RBFOX1: variants seen among roughly 807,000 people sequenced by gnomAD.
RBFOX1 encodes RNA binding fox-1 homolog 1, also known as RNA binding protein fox-1 homolog 1.
In RBFOX1, 8 loss-of-function variants were observed where a neutral mutation model predicts 57.7. The ratio of observed to expected loss-of-function variants is 0.14; its 90% CI spans 0.08 to 0.25. The LOEUF is 0.25. Ranked by LOEUF, RBFOX1 falls within the 10% of genes least tolerant of loss-of-function variation. RBFOX1 has a pLI of 1.00. For synonymous variants in RBFOX1, 326 were observed against 222.4 expected (o/e 1.47, Z -4.15); for missense variants, 611 against 548.5 (o/e 1.11, Z -1.14).
In RBFOX1 at chr16:6,356,391, T is replaced by C. The variant is rs1057023028; in HGVS notation, c.-64+39334T>C. Among the ~76,000 whole-genome samples the C allele has an allele frequency of 3.9e-5, 6 of 152,176 alleles. No homozygotes were observed. In the East Asian group the frequency reaches 1.2e-3, roughly 29 times the overall value. On this transcript the variant is annotated intron_variant, in intron 2 of 15. Coordinates refer to ENST00000550418, the MANE Select transcript of RBFOX1 (RefSeq NM_018723.4). ...AGATTGAGGCTGCCGTGAGCTATGA[T>C]TGTACCACAGCCCTCCAGCCTGGGC...
At chr16:7,124,206 G>C (rs2067860536) in intron 4 of RBFOX1, among the ~76,000 whole-genome samples, 1 of 152,242 alleles carries the variant, frequency 6.6e-6, no homozygotes, top group Admixed American at 6.5e-5. Context: ...GGCCAAGGCA[G>C]GAGGACTGCT....
At chr16:6,204,309 T>A (rs938287851) in intron 1 of RBFOX1, among the ~76,000 whole-genome samples, 1 of 152,140 alleles carries the variant, frequency 6.6e-6, no homozygotes. Flanking sequence ...CATGAGTCAA[T>A]GTTGCGACAA....
Position 7,365,993 on chromosome 16 carries a change from G to A in RBFOX1, c.28-152154G>A, listed in dbSNP as rs555282725. Among the ~76,000 whole-genome samples, 24 of 152,310 alleles carry A rather than the reference G, an allele frequency of 1.6e-4. No individual in the cohort carries two copies. In the South Asian group the frequency reaches 5.0e-3, roughly 32 times the overall value. On this transcript the variant is annotated intron_variant, in intron 4 of 15. Transcript: ENST00000550418. Reference sequence around the variant, plus strand: ...AGGTGGGTGAGAAGACTCATCCTGTGATATCAGAACAGAAAGACTCTGTGT... The same window carrying A: ...AGGTGGGTGAGAAGACTCATCCTGTAATATCAGAACAGAAAGACTCTGTGT...
At chr16:5,889,200 G>A (rs1047405081) in intron 4 of RBFOX1, among the ~76,000 whole-genome samples, 5 of 152,104 alleles carry the variant, frequency 3.3e-5, no homozygotes, top group Admixed American at 6.6e-5. Context: ...AGGTAATAAG[G>A]CCAGCATCCA....
intron 1 of RBFOX1, among the ~76,000 whole-genome samples, chr16:6,188,014 A>T (rs1038574133): frequency 6.6e-6 from 1 of 152,182 alleles, no homozygotes; most frequent in Non-Finnish European, 1.5e-5. Flanking sequence ...GTGTGTATGT[A>T]TATGTGTATA....
intron 3 of RBFOX1, among the ~76,000 whole-genome samples, chr16:6,864,989 C>CTTTTTTTTTTTTTGTTT: frequency 9.5e-6 from 1 of 105,804 alleles, no homozygotes; most frequent in African/African-American, 3.8e-5. Flanking sequence ...GTGGGTTTTT[C>CTTTTTTTTTTTTTGTTT]TTTTTCTTTT....
chr16:6,612,572 C>T (rs1362819488), intron 2 of RBFOX1, among the ~76,000 whole-genome samples: 3 of 152,002 alleles, frequency 2.0e-5, no homozygotes. Context: ...TTTGTTTGGC[C>T]CGGGTGTAGT....
chr16:5,618,109 A>G (rs772013138), intron 3 of RBFOX1, among the ~76,000 whole-genome samples: 1 of 152,194 alleles, frequency 6.6e-6, no homozygotes, highest in African/African-American at 2.4e-5. Context: ...ATCATGATGT[A>G]AAGTATTTTT....
intron 3 of RBFOX1, among the ~76,000 whole-genome samples, chr16:6,702,553 C>CA (rs71145280): frequency 4.8e-5 from 7 of 145,722 alleles, no homozygotes; most frequent in African/African-American, 1.2e-4. Flanking sequence ...GAGTCCATCT[C>CA]AAAAAAAAAA....
chr16:6,089,434 T>C (rs1358559631), intron 1 of RBFOX1, among the ~76,000 whole-genome samples: 1 of 152,152 alleles, frequency 6.6e-6, no homozygotes, highest in Non-Finnish European at 1.5e-5. Flanking sequence ...GGTCGGCATA[T>C]ACACAGAGGG....
At chr16:7,503,831 A>G (rs541101038) in intron 4 of RBFOX1, among the ~76,000 whole-genome samples, 1 of 152,226 alleles carries the variant, frequency 6.6e-6, no homozygotes, top group South Asian at 2.1e-4. Flanking sequence ...CTGTCCATAC[A>G]AGTATATCTG....
chr16:5,269,392 C>T (rs6500674), intron 1 of RBFOX1, among the ~76,000 whole-genome samples: 22,019 of 151,786 alleles, frequency 0.15, 1,096 homozygotes, highest in African/African-American at 0.19. Context: ...AAAATGAAAG[C>T]ACAGGTCCAC....
intron 1 of RBFOX1, among the ~76,000 whole-genome samples, chr16:5,371,209 C>T (rs1468940015): frequency 6.6e-6 from 1 of 152,184 alleles, no homozygotes; most frequent in Non-Finnish European, 1.5e-5. Flanking sequence ...TGGCCTCCCA[C>T]AGAACTGGGA....
chr16:6,774,760 T>C (rs1184977650), intron 3 of RBFOX1, among the ~76,000 whole-genome samples: 1 of 152,110 alleles, frequency 6.6e-6, no homozygotes, highest in African/African-American at 2.4e-5. Context: ...ACTGTTGAGT[T>C]GAACTTTCTG....
chr16:7,141,735 AC>A (rs1198646053), intron 4 of RBFOX1, among the ~76,000 whole-genome samples: 1 of 151,892 alleles, frequency 6.6e-6, no homozygotes, highest in East Asian at 1.9e-4. Flanking sequence ...CATCCTATCC[AC>A]CAGTAAGTTC....
chr16:6,722,099 T>C (rs1260849339), intron 3 of RBFOX1: 1 of 152,240 alleles, frequency 6.6e-6, no homozygotes, highest in Non-Finnish European at 1.5e-5. Context: ...TGAATAATAC[T>C]GGTATAAGCG....
At chr16:7,454,862 A>G (rs1598825256) in intron 4 of RBFOX1, among the ~76,000 whole-genome samples, 1 of 152,244 alleles carries the variant, frequency 6.6e-6, no homozygotes, top group Non-Finnish European at 1.5e-5. Flanking sequence ...GAGTTACATC[A>G]GGTACCACAG....
intron 3 of RBFOX1, among the ~76,000 whole-genome samples, chr16:5,845,480 C>T (rs2056732944): frequency 6.6e-6 from 1 of 152,152 alleles, no homozygotes; most frequent in African/African-American, 2.4e-5. Context: ...TCCAACCCAG[C>T]TGTTTGCTTC....
At chr16:7,704,441 C>G (rs1242615592) in intron 14 of RBFOX1, among the ~76,000 whole-genome samples, 1 of 152,144 alleles carries the variant, frequency 6.6e-6, no homozygotes, top group Non-Finnish European at 1.5e-5. Flanking sequence ...CTTGAAGCAT[C>G]CTGAATGTGT....
Sources: gnomAD v4.1 joint callset for allele counts (sites outside exome capture counted in the v4.1 genomes callset) on GRCh38, gnomAD v4.1.1 for gene constraint, MANE v1.5 for transcripts, NCBI Gene and HGNC (gene_info 2026-07-23, HGNC 2026-07-21) for gene names.